The following ARHGEF3 variants were observed in gnomAD, a reference collection of about 807,000 sequenced individuals.
The protein encoded by ARHGEF3 is 59.8 kDA protein.
Under a neutral mutation model 63.2 loss-of-function variants are expected in ARHGEF3, and 28 were observed. That is an observed-to-expected ratio of 0.44 (90% confidence interval 0.33 to 0.61). The LOEUF (loss-of-function observed/expected upper bound fraction) is 0.61, where lower values mean the gene tolerates loss of function less well. Among genes scored for constraint, ARHGEF3 ranks in the 20% least tolerant of loss-of-function variants. The pLI, the probability that ARHGEF3 is intolerant of heterozygous loss-of-function variation, is 0.03. For missense variants in ARHGEF3, 533 were observed against 659.3 expected (o/e 0.81, Z 2.10); for synonymous variants, 266 against 254.2 (o/e 1.05, Z -0.44).
At chr3:57,010,317 G>C (rs567906213) in intron 2 of ARHGEF3, among the ~76,000 whole-genome samples, 4 of 152,050 alleles carry the variant, frequency 2.6e-5, no homozygotes, top group East Asian at 3.9e-4. Flanking sequence ...TTAGCCGGGC[G>C]TGGTGGCGGG....
intron 1 of ARHGEF3, among the ~76,000 whole-genome samples, chr3:56,776,796 A>G (rs1462754601): frequency 6.6e-6 from 1 of 152,224 alleles, no homozygotes; most frequent in African/African-American, 2.4e-5. Context: ...CCAACAACTC[A>G]GCTGCCAGAC....
intron 4 of ARHGEF3, among the ~76,000 whole-genome samples, chr3:56,859,716 T>A (rs35537770): frequency 0.29 from 39,969 of 135,742 alleles, 5,676 homozygotes; most frequent in East Asian, 0.53. Flanking sequence ...TTTTTTTTTT[T>A]AAGTTAGAGA....
chr3:57,070,573 C>A (rs1410733835), intron 1 of ARHGEF3, among the ~76,000 whole-genome samples: 2 of 152,126 alleles, frequency 1.3e-5, no homozygotes, highest in Non-Finnish European at 2.9e-5. Context: ...GTCAATGTAA[C>A]CCCTGTCAAA....
chr3:57,012,633 A>G (rs1702749696), intron 2 of ARHGEF3, among the ~76,000 whole-genome samples: 1 of 152,224 alleles, frequency 6.6e-6, no homozygotes, highest in Admixed American at 6.5e-5. Context: ...CCATTTGACA[A>G]GTGAACTAAA....
chr3:56,888,852 G>A (rs190588784), intron 3 of ARHGEF3, among the ~76,000 whole-genome samples: 4 of 152,018 alleles, frequency 2.6e-5, no homozygotes, highest in East Asian at 1.9e-4. Context: ...GCGGTGAGCC[G>A]AGATCGCACC....
intron 4 of ARHGEF3, among the ~76,000 whole-genome samples, chr3:56,840,344 T>C (rs1427344576): frequency 6.6e-6 from 1 of 152,236 alleles, no homozygotes; most frequent in Non-Finnish European, 1.5e-5. Context: ...GGACAAGAAG[T>C]GGTCTGCATT....
chr3:56,973,695 G>C lies in ARHGEF3; in HGVS notation c.63-14806C>G, dbSNP rs190955322. Among the ~76,000 whole-genome samples, 225 of 152,248 alleles carry C rather than the reference G, an allele frequency of 1.5e-3. 1 individual carries two copies. The highest frequency in any genetic ancestry group is 6.8e-3 in the Middle Eastern group (2 of 294). Reference sequence around the variant, plus strand: ...TACTATTTCACCAAGCAGGAGGATGGAGAGGTGCCCACCAAATTTGGCAAA... The same window carrying C: ...TACTATTTCACCAAGCAGGAGGATGCAGAGGTGCCCACCAAATTTGGCAAA... On this transcript the variant is annotated intron_variant, in intron 2 of 12. Coordinates refer to the ARHGEF3 transcript ENST00000338458.
chr3:56,827,878 A>C (rs1237664888), intron 4 of ARHGEF3, among the ~76,000 whole-genome samples: 2 of 143,378 alleles, frequency 1.4e-5, no homozygotes, highest in Non-Finnish European at 3.0e-5. Flanking sequence ...TGGGGAGGTC[A>C]AGGCTGCACT....
At chr3:56,987,248 G>A (rs1008249208) in intron 2 of ARHGEF3, among the ~76,000 whole-genome samples, 12 of 152,084 alleles carry the variant, frequency 7.9e-5, no homozygotes, top group Admixed American at 7.2e-4. Flanking sequence ...GGTTGCCAAC[G>A]CCTCATTATA....
At chr3:56,793,238 C>T (rs1180409615) in intron 1 of ARHGEF3, among the ~76,000 whole-genome samples, 5 of 151,048 alleles carry the variant, frequency 3.3e-5, no homozygotes, top group South Asian at 2.1e-4. Flanking sequence ...GGCGCAATCT[C>T]GGCTCACTGC....
At chr3:56,973,155 T>C (rs1700989792) in intron 2 of ARHGEF3, among the ~76,000 whole-genome samples, 1 of 151,990 alleles carries the variant, frequency 6.6e-6, no homozygotes, top group East Asian at 1.9e-4. Context: ...TAGCTGGGAC[T>C]ACAGGCACCC....
At chr3:56,768,215 G>A (rs2035816095) in intron 2 of ARHGEF3, among the ~76,000 whole-genome samples, 2 of 151,764 alleles carry the variant, frequency 1.3e-5, no homozygotes, top group South Asian at 2.1e-4. Context: ...GTGCCACCAC[G>A]CCCGGCTAAT....
intron 1 of ARHGEF3, among the ~76,000 whole-genome samples, chr3:56,788,582 G>A (rs1163338361): frequency 6.6e-6 from 1 of 152,134 alleles, no homozygotes; most frequent in Non-Finnish European, 1.5e-5. Flanking sequence ...AAAGCACCCT[G>A]CAAATGAATA....
At chr3:56,835,539 T>G (rs571413478) in intron 4 of ARHGEF3, among the ~76,000 whole-genome samples, 1 of 152,182 alleles carries the variant, frequency 6.6e-6, no homozygotes, top group Non-Finnish European at 1.5e-5. Context: ...TAAATAATTA[T>G]AAGACATGCT....
At chr3:57,078,827 G>A (rs1706333884) in intron 1 of ARHGEF3, 1 of 163,524 alleles carries the variant, frequency 6.1e-6, no homozygotes, top group Non-Finnish European at 1.3e-5. Flanking sequence ...GAGCGAAAGG[G>A]GCGCGTCCCA....
At chr3:57,046,914 T>C (rs1704476928) in intron 1 of ARHGEF3, among the ~76,000 whole-genome samples, 1 of 152,258 alleles carries the variant, frequency 6.6e-6, no homozygotes, top group Non-Finnish European at 1.5e-5. Context: ...TAGTTTCGTT[T>C]ACATGAACTA....
intron 2 of ARHGEF3, chr3:57,035,068 G>A (rs1466627175): frequency 6.6e-7 from 1 of 1,516,604 alleles, no homozygotes; most frequent in Non-Finnish European, 8.8e-7. Flanking sequence ...TAATTATTTA[G>A]GTTATTTGAT....
intron 1 of ARHGEF3, among the ~76,000 whole-genome samples, chr3:57,066,040 CAAAA>C (rs59510971): frequency 3.1e-5 from 4 of 127,422 alleles, no homozygotes; most frequent in Non-Finnish European, 5.0e-5. Flanking sequence ...GTCTCCAAAA[CAAAA>C]AAAAAAAACC....
chr3:56,757,227 C>A (rs2035129558), intron 2 of ARHGEF3, among the ~76,000 whole-genome samples: 1 of 152,206 alleles, frequency 6.6e-6, no homozygotes, highest in Admixed American at 6.5e-5. Flanking sequence ...AATCCCAGCA[C>A]TTTGGGAAGC....
Sources: allele counts gnomAD v4.1 joint callset (sites outside exome capture counted in the v4.1 genomes callset), GRCh38; gene constraint gnomAD v4.1.1; transcripts MANE v1.5; gene names NCBI Gene and HGNC (gene_info 2026-07-23, HGNC 2026-07-21).